Variants in TMEM120B observed in about 807,000 individuals in gnomAD.
TMEM120B encodes the protein transmembrane protein 120B.
Under a neutral mutation model 55.5 loss-of-function variants are expected in TMEM120B, and 31 were observed. The ratio of observed to expected loss-of-function variants is 0.56; its 90% confidence interval spans 0.42 to 0.75. TMEM120B has a LOEUF of 0.75. TMEM120B is among the 30% of genes least tolerant of loss of function. TMEM120B has a pLI of 0.00. For synonymous variants in TMEM120B, 203 were observed against 176.3 expected (o/e 1.15, Z -1.20); for missense variants, 399 against 425.5 (o/e 0.94, Z 0.55).
rs559196663 is a variant in TMEM120B, at chr12:121,741,709, C to T, written c.70-1920C>T. Reference sequence around the variant, plus strand: ...GTGCAGTGGCATAATCTCAGCTCACCGCAACCTCCACCTCCTGGGTTCAAG... The same window carrying T: ...GTGCAGTGGCATAATCTCAGCTCACTGCAACCTCCACCTCCTGGGTTCAAG... On this transcript the variant is annotated intron_variant, in intron 1 of 11. Coordinates refer to ENST00000449592, the MANE Select transcript of TMEM120B (RefSeq NM_001080825.2). 7.3e-5 allele frequency among the ~76,000 whole-genome samples: 11 copies of T among 151,408 alleles called. No homozygotes were observed. In the South Asian group the frequency reaches 1.7e-3, roughly 23 times the overall value.
At chr12:121,735,490 C>T (rs573106148) in intron 1 of TMEM120B, among the ~76,000 whole-genome samples, 1 of 151,782 alleles carries the variant, frequency 6.6e-6, no homozygotes, top group South Asian at 2.1e-4. Flanking sequence ...CCTCCGCGTC[C>T]TGGGATCAAG....
intron 1 of TMEM120B, among the ~76,000 whole-genome samples, chr12:121,741,074 T>C (rs1300648602): frequency 6.6e-6 from 1 of 152,154 alleles, no homozygotes; most frequent in Admixed American, 6.6e-5. Flanking sequence ...CCACGAAAGA[T>C]TCTTGTGATT....
intron 3 of TMEM120B, 48 bp downstream of exon 3, chr12:121,748,490 C>A: frequency 1.6e-6 from 2 of 1,288,050 alleles, no homozygotes; most frequent in Non-Finnish European, 2.2e-6. Flanking sequence ...CATGCCCAGG[C>A]CTAGCACAGC....
chr12:121,745,760 C>G (rs887253808), intron 2 of TMEM120B, among the ~76,000 whole-genome samples: 1 of 152,144 alleles, frequency 6.6e-6, no homozygotes, highest in African/African-American at 2.4e-5. Flanking sequence ...TCACGGCTCA[C>G]CACAGCCTTG....
chr12:121,770,778 CTG>C (rs1592949087), intron 6 of TMEM120B, 127 bp from the exon 7 acceptor site: 1 of 805,072 alleles, frequency 1.2e-6, no homozygotes, highest in African/African-American at 1.7e-5. Context: ...GGGTTCCAGT[CTG>C]TTTCTTACTC....
chr12:121,727,512 G>A (rs541252719), intron 1 of TMEM120B, among the ~76,000 whole-genome samples: 35 of 139,050 alleles, frequency 2.5e-4, no homozygotes, highest in South Asian at 7.1e-4. Flanking sequence ...CTTCCAGCCC[G>A]CATGACAGAG....
chr12:121,727,179 G>C (rs1894912185), intron 1 of TMEM120B, among the ~76,000 whole-genome samples: 1 of 152,018 alleles, frequency 6.6e-6, no homozygotes, highest in African/African-American at 2.4e-5. Flanking sequence ...TAGGGGTGCT[G>C]CTTAGTTCCT....
chr12:121,774,629 G>C, intron 9 of TMEM120B, 29 bp from the exon 10 acceptor site: 1 of 1,611,828 alleles, frequency 6.2e-7, no homozygotes. Flanking sequence ...CCCCCTCAGC[G>C]GGTCCTTTTT....
At chr12:121,759,721 C>T (rs901411410) in intron 5 of TMEM120B, among the ~76,000 whole-genome samples, 21 of 151,614 alleles carry the variant, frequency 1.4e-4, no homozygotes, top group Non-Finnish European at 2.8e-4. Flanking sequence ...AGCCACTGGG[C>T]GCAGTGGCTC....
intron 1 of TMEM120B, among the ~76,000 whole-genome samples, chr12:121,731,291 G>C (rs763451531): frequency 5.9e-5 from 9 of 151,808 alleles, no homozygotes; most frequent in Admixed American, 5.9e-4. Context: ...TTGCTTTGTC[G>C]CCCAGGCTGG....
intron 4 of TMEM120B, 102 bp downstream of exon 4, chr12:121,750,541 CACCCACACCAACACCCCACACCTCAA>C: frequency 1.2e-6 from 1 of 858,102 alleles, no homozygotes; most frequent in Non-Finnish European, 1.9e-6. Context: ...CCCACATCCA[CACCCACACCAACACCCCACACCTCAA>C]ACCCACACCC....
Position 121,779,602 on chromosome 12 carries a change from G to A in TMEM120B, c.*3880G>A, listed in dbSNP as rs781097211. 7.4e-5 allele frequency: 120 copies of A among 1,614,104 alleles called. No homozygotes were observed. Among genetic ancestry groups the A allele is most frequent in the Non-Finnish European group, 9.7e-5 (115 of 1,180,044 alleles). On this transcript the variant is annotated 3_prime_UTR_variant, in exon 12 of 12. Transcript: ENST00000449592. The stretch of plus-strand genomic sequence containing the variant: ...CGGAAGACGTCCTCCACATTCTCCC[G>A]AAACTTGGCGGAACATTCCAGGTAG...
chr12:121,759,443 C>T (rs1312453484), intron 5 of TMEM120B, among the ~76,000 whole-genome samples: 1 of 151,842 alleles, frequency 6.6e-6, no homozygotes, highest in East Asian at 2.0e-4. Context: ...TTTGAGAGGC[C>T]GAGGCAGGTG....
At chr12:121,716,864 CT>C (rs1566503972) in intron 1 of TMEM120B, among the ~76,000 whole-genome samples, 1 of 152,072 alleles carries the variant, frequency 6.6e-6, no homozygotes, top group South Asian at 2.1e-4. Flanking sequence ...CCTGGCTTTC[CT>C]TTTTTGAATG....
chr12:121,773,661 TTC>T (rs1874138191), intron 9 of TMEM120B, 148 bp downstream of exon 9: 1 of 614,284 alleles, frequency 1.6e-6, no homozygotes, highest in Admixed American at 3.8e-5. Context: ...TCATCCTGGA[TTC>T]TGTTTCAGCT....
intron 1 of TMEM120B, among the ~76,000 whole-genome samples, chr12:121,726,578 C>CAAAAA (rs35018846): frequency 7.6e-6 from 1 of 130,962 alleles, no homozygotes; most frequent in South Asian, 2.4e-4. Flanking sequence ...GACTCTGTCT[C>CAAAAA]AAAAAAAAAA....
At chr12:121,768,867 C>T (rs1201453607) in intron 6 of TMEM120B, among the ~76,000 whole-genome samples, 8 of 152,118 alleles carry the variant, frequency 5.3e-5, no homozygotes, top group South Asian at 2.1e-4. Flanking sequence ...CCAGCTGGGC[C>T]GGGTGCAGTG....
At chr12:121,742,352 A>G (rs1345190923) in intron 1 of TMEM120B, among the ~76,000 whole-genome samples, 1 of 152,114 alleles carries the variant, frequency 6.6e-6, no homozygotes, top group East Asian at 1.9e-4. Flanking sequence ...AGGGGAGTTT[A>G]GCCTCTGTGC....
At chr12:121,768,114 G>A (rs778737269) in intron 6 of TMEM120B, among the ~76,000 whole-genome samples, 1 of 152,166 alleles carries the variant, frequency 6.6e-6, no homozygotes, top group Non-Finnish European at 1.5e-5. Context: ...TCTGACAGGC[G>A]AGACTAGGAT....
Sources: gnomAD v4.1 joint callset for allele counts (sites outside exome capture counted in the v4.1 genomes callset) on GRCh38, gnomAD v4.1.1 for gene constraint, MANE v1.5 for transcripts, NCBI Gene and HGNC (gene_info 2026-07-23, HGNC 2026-07-21) for gene names.